Variants in PLEKHH2 observed in about 807,000 individuals in gnomAD.
PLEKHH2 encodes the protein pleckstrin homology domain-containing family H member 2.
PLEKHH2 carries 129 observed loss-of-function variants against 187.9 expected under a neutral mutation model. That is an observed-to-expected ratio of 0.69 (90% CI 0.59 to 0.79). The LOEUF (loss-of-function observed/expected upper bound fraction) is 0.79. PLEKHH2 is among the 30% of genes least tolerant of loss of function. PLEKHH2 has a pLI of 0.00. For missense variants in PLEKHH2, 2,076 were observed against 1,751.2 expected (o/e 1.19, Z -3.31); for synonymous variants, 686 against 605.6 (o/e 1.13, Z -1.95).
At chr2:43,699,604 T>C (rs1161216355) in intron 7 of PLEKHH2, 43 bp from the exon 8 acceptor site, 2 of 1,567,402 alleles carry the variant, frequency 1.3e-6, no homozygotes, top group South Asian at 2.4e-5. Context: ...AGAAAGATTA[T>C]ATTCTTAAAG....
intron 15 of PLEKHH2, among the ~76,000 whole-genome samples, chr2:43,718,796 C>A (rs1225555343): frequency 6.6e-6 from 1 of 152,114 alleles, no homozygotes; most frequent in East Asian, 1.9e-4. Flanking sequence ...CTATTTAAAG[C>A]TTCCAGGATA....
intron 24 of PLEKHH2, 139 bp from the exon 25 acceptor site, chr2:43,753,480 C>G: frequency 1.8e-6 from 1 of 561,654 alleles, no homozygotes; most frequent in Non-Finnish European, 2.8e-6. Context: ...AAACAGAAGT[C>G]ATTGACAGTA....
intron 1 of PLEKHH2, among the ~76,000 whole-genome samples, chr2:43,641,212 G>A (rs1313604073): frequency 6.6e-6 from 1 of 152,050 alleles, no homozygotes; most frequent in Non-Finnish European, 1.5e-5. Flanking sequence ...CATTCTGTGG[G>A]TTATCTTTGC....
intron 2 of PLEKHH2, among the ~76,000 whole-genome samples, chr2:43,646,335 A>G (rs917782512): frequency 1.2e-4 from 19 of 152,276 alleles, no homozygotes; most frequent in Admixed American, 2.6e-4. Flanking sequence ...AACAACCCCA[A>G]CTGCCCCATA....
chr2:43,679,644 C>T, intron 3 of PLEKHH2: 1 of 255,944 alleles, frequency 3.9e-6, no homozygotes, highest in South Asian at 3.5e-5. Context: ...TACAGGTGCG[C>T]ACCACCATAC....
At chr2:43,709,147 G>A (rs980093554) in intron 11 of PLEKHH2, among the ~76,000 whole-genome samples, 3 of 152,150 alleles carry the variant, frequency 2.0e-5, no homozygotes, top group Non-Finnish European at 4.4e-5. Context: ...TGAATTTTAT[G>A]TTATAGCTGC....
At chr2:43,651,714 A>G (rs1277532894) in intron 2 of PLEKHH2, among the ~76,000 whole-genome samples, 1 of 152,214 alleles carries the variant, frequency 6.6e-6, no homozygotes, top group Non-Finnish European at 1.5e-5. Context: ...AATCCCAGCC[A>G]TGAACAAGGC....
At chr2:43,711,480 A>G (rs1397480683) in intron 14 of PLEKHH2, 8 of 957,304 alleles carry the variant, frequency 8.4e-6, no homozygotes, top group Non-Finnish European at 9.9e-6. Context: ...CTTATATGCA[A>G]GATCTTCTTA....
chr2:43,703,162 C>T (rs1238962135), intron 8 of PLEKHH2, among the ~76,000 whole-genome samples: 4 of 152,148 alleles, frequency 2.6e-5, no homozygotes, highest in South Asian at 4.2e-4. Context: ...AAGAGGATGG[C>T]CTTAGTTGCC....
intron 3 of PLEKHH2, chr2:43,681,625 A>G (rs1668194664): frequency 1.5e-6 from 1 of 683,160 alleles, no homozygotes; most frequent in Non-Finnish European, 2.6e-6. Flanking sequence ...ATGACACAAT[A>G]TGCATTTTTG....
intron 27 of PLEKHH2, among the ~76,000 whole-genome samples, chr2:43,759,712 C>T (rs1314262853): frequency 6.6e-6 from 1 of 152,208 alleles, no homozygotes; most frequent in Non-Finnish European, 1.5e-5. Context: ...TATTAAATTG[C>T]ATGCTCCTTG....
chr2:43,648,862 G>C (rs971704135), intron 2 of PLEKHH2, among the ~76,000 whole-genome samples: 2 of 152,158 alleles, frequency 1.3e-5, no homozygotes, highest in Admixed American at 1.3e-4. Flanking sequence ...TTACAGGCGT[G>C]AGCCACCGTG....
At chr2:43,716,010 T>C (rs955939452) in intron 15 of PLEKHH2, among the ~76,000 whole-genome samples, 1 of 152,146 alleles carries the variant, frequency 6.6e-6, no homozygotes, top group Non-Finnish European at 1.5e-5. Flanking sequence ...TAGTGTCACA[T>C]GTGCTCAGAG....
At chr2:43,691,027 T>A (rs866890313) in intron 3 of PLEKHH2, among the ~76,000 whole-genome samples, 1 of 152,176 alleles carries the variant, frequency 6.6e-6, no homozygotes, top group Admixed American at 6.5e-5. Flanking sequence ...CCTGGATGTG[T>A]TTTACAGAAT....
intron 18 of PLEKHH2, among the ~76,000 whole-genome samples, chr2:43,730,964 A>G (rs1671007713): frequency 6.6e-6 from 1 of 152,184 alleles, no homozygotes; most frequent in African/African-American, 2.4e-5. Flanking sequence ...TCTTTAGCAC[A>G]TTTAAGCAAC....
At chr2:43,675,137 A>C (rs1667676405) in intron 2 of PLEKHH2, 1 of 377,510 alleles carries the variant, frequency 2.6e-6, no homozygotes, top group Non-Finnish European at 4.7e-6. Flanking sequence ...AATAAAATTA[A>C]AAAGCAGGTG....
intron 17 of PLEKHH2, 27 bp from the exon 18 acceptor site, chr2:43,729,610 A>G: frequency 6.9e-7 from 1 of 1,450,370 alleles, no homozygotes; most frequent in Non-Finnish European, 9.3e-7. Flanking sequence ...GTGTCTTAAC[A>G]TTTAATTAAT....
chr2:43,706,232 G>T, intron 9 of PLEKHH2, 90 bp from the exon 10 acceptor site: 1 of 884,524 alleles, frequency 1.1e-6, no homozygotes, highest in Non-Finnish European at 1.9e-6. Flanking sequence ...CTTTTTAAAT[G>T]GAGATTATGC....
At chr2:43,657,627 T>C (rs1204887491) in intron 2 of PLEKHH2, among the ~76,000 whole-genome samples, 1 of 152,238 alleles carries the variant, frequency 6.6e-6, no homozygotes, top group African/African-American at 2.4e-5. Flanking sequence ...GCACATGGGA[T>C]AGGAGTTACT....
Sources: allele counts gnomAD v4.1 joint callset (sites outside exome capture counted in the v4.1 genomes callset), GRCh38; gene constraint gnomAD v4.1.1; transcripts MANE v1.5; gene names NCBI Gene and HGNC (gene_info 2026-07-23, HGNC 2026-07-21).